BTBD9: variants seen among roughly 807,000 people sequenced by gnomAD.
BTBD9 encodes the protein BTB/POZ domain-containing protein 9.
A neutral mutation model predicts 64.3 loss-of-function variants in BTBD9; 49 were observed. The ratio of observed to expected loss-of-function variants is 0.76; its 90% confidence interval spans 0.61 to 0.97. BTBD9 has a LOEUF of 0.97. Among genes scored for constraint, BTBD9 ranks in the 50% least tolerant of loss-of-function variants. BTBD9 has a pLI of 0.00. For synonymous variants in BTBD9, 260 were observed against 274.7 expected (o/e 0.95, Z 0.53); for missense variants, 598 against 762.1 (o/e 0.78, Z 2.53).
chr6:38,391,633 CT>C (rs11350619), intron 6 of BTBD9, among the ~76,000 whole-genome samples: 52,280 of 141,046 alleles, frequency 0.37, 10,496 homozygotes, highest in East Asian at 0.92. Context: ...GCTTGTTTTT[CT>C]TTTTTTTTTT....
intron 6 of BTBD9, among the ~76,000 whole-genome samples, chr6:38,576,666 C>T (rs1225518429): frequency 1.3e-5 from 2 of 152,144 alleles, no homozygotes; most frequent in African/African-American, 2.4e-5. Context: ...GAGGGGCCAG[C>T]TCCACATTCT....
intron 6 of BTBD9, 152 bp from the exon 7 acceptor site, chr6:38,345,245 C>T (rs373324423): frequency 2.0e-6 from 1 of 490,534 alleles, no homozygotes; most frequent in East Asian, 2.9e-5. Flanking sequence ...TCTATATCTG[C>T]TCCTTATGGG....
At chr6:38,373,854 A>G (rs1049340741) in intron 6 of BTBD9, among the ~76,000 whole-genome samples, 14 of 152,284 alleles carry the variant, frequency 9.2e-5, no homozygotes, top group Admixed American at 5.2e-4. Context: ...TTGGTTTAAA[A>G]TTCAAGTTTA....
At chr6:38,546,307 A>G (rs1351516254) in intron 6 of BTBD9, among the ~76,000 whole-genome samples, 3 of 152,208 alleles carry the variant, frequency 2.0e-5, no homozygotes, top group African/African-American at 7.2e-5. Flanking sequence ...GACAGAAATA[A>G]CCTGGCTTCT....
rs188468799 is a variant in BTBD9 at position 38,360,460 on chromosome 6, T to C, written c.1155-15367A>G. 6.2e-3 allele frequency among the ~76,000 whole-genome samples: 943 copies of C among 152,274 alleles called. 7 individuals are homozygous for C. Among genetic ancestry groups the C allele is most frequent in the Admixed American group, 0.019 (286 of 15,298 alleles). ...TCAATCTCTAAAAAAGGTCCCCTCT[T>C]TTAATGCAGACAGGAAATTACAATA... On this transcript the variant is annotated intron_variant, in intron 6 of 10. Coordinates refer to ENST00000481247, the MANE Select transcript of BTBD9 (RefSeq NM_001099272.2).
intron 6 of BTBD9, among the ~76,000 whole-genome samples, chr6:38,431,739 G>T (rs1015052451): frequency 6.6e-6 from 1 of 151,960 alleles, no homozygotes; most frequent in Non-Finnish European, 1.5e-5. Context: ...AATGAATAGT[G>T]TACCTCCTTA....
intron 6 of BTBD9, among the ~76,000 whole-genome samples, chr6:38,512,131 G>A (rs1399750109): frequency 3.9e-5 from 6 of 152,044 alleles, no homozygotes; most frequent in African/African-American, 1.4e-4. Context: ...GCACCATCAC[G>A]CCTGGCTAAT....
intron 6 of BTBD9, among the ~76,000 whole-genome samples, chr6:38,526,486 G>A (rs1687382381): frequency 6.6e-6 from 1 of 152,210 alleles, no homozygotes; most frequent in Non-Finnish European, 1.5e-5. Flanking sequence ...CCCCACTGGG[G>A]CACTACCTAG....
intron 8 of BTBD9, among the ~76,000 whole-genome samples, chr6:38,285,858 CAAAA>C (rs1164372563): frequency 2.0e-5 from 3 of 151,920 alleles, no homozygotes; most frequent in Admixed American, 1.3e-4. Flanking sequence ...TGCCAGAAGA[CAAAA>C]GAAAGACAAC....
intron 1 of BTBD9, among the ~76,000 whole-genome samples, chr6:38,604,336 A>G (rs1041356359): frequency 1.3e-5 from 2 of 152,264 alleles, no homozygotes; most frequent in African/African-American, 4.8e-5. Context: ...TAGTATCATA[A>G]AAATATTTGA....
chr6:38,569,872 A>T (rs546941842), intron 6 of BTBD9, among the ~76,000 whole-genome samples: 2 of 151,994 alleles, frequency 1.3e-5, no homozygotes, highest in African/African-American at 4.8e-5. Flanking sequence ...TCCCAACTAA[A>T]AAAAAAAAGC....
intron 6 of BTBD9, among the ~76,000 whole-genome samples, chr6:38,377,092 T>G (rs926040815): frequency 1.3e-5 from 2 of 152,212 alleles, no homozygotes; most frequent in Non-Finnish European, 2.9e-5. Context: ...CCTACTGTAT[T>G]TCATTTATAA....
intron 6 of BTBD9, among the ~76,000 whole-genome samples, chr6:38,518,360 A>G (rs986230590): frequency 3.9e-5 from 6 of 152,230 alleles, no homozygotes; most frequent in Admixed American, 1.3e-4. Context: ...AGTAATCACC[A>G]TGGTTCCATT....
At chr6:38,258,925 G>C (rs1347130548) in intron 8 of BTBD9, among the ~76,000 whole-genome samples, 1 of 152,124 alleles carries the variant, frequency 6.6e-6, no homozygotes, top group African/African-American at 2.4e-5. Flanking sequence ...CAATAATAAT[G>C]ATCATGATGG....
chr6:38,529,052 C>T (rs565000406), intron 6 of BTBD9, among the ~76,000 whole-genome samples: 4 of 152,220 alleles, frequency 2.6e-5, no homozygotes, highest in African/African-American at 9.6e-5. Flanking sequence ...TGAAGGGAGC[C>T]CACTGCCCTG....
chr6:38,539,441 AT>A (rs1322952640), intron 6 of BTBD9, among the ~76,000 whole-genome samples: 1 of 152,176 alleles, frequency 6.6e-6, no homozygotes, highest in African/African-American at 2.4e-5. Context: ...TGGTGTGTAA[AT>A]TCATATAGGA....
At chr6:38,585,373 A>G (rs1437356704) in intron 4 of BTBD9, among the ~76,000 whole-genome samples, 1 of 152,180 alleles carries the variant, frequency 6.6e-6, no homozygotes, top group African/African-American at 2.4e-5. Flanking sequence ...TGGTGGGATG[A>G]TTATAGCTCA....
intron 6 of BTBD9, among the ~76,000 whole-genome samples, chr6:38,547,537 T>C (rs1286741637): frequency 2.6e-5 from 4 of 152,202 alleles, no homozygotes; most frequent in Admixed American, 2.0e-4. Context: ...ACCTTCTCTA[T>C]CCTTGTTTAC....
intron 9 of BTBD9, among the ~76,000 whole-genome samples, chr6:38,228,351 CAAAAAAAA>C (rs1554130232): frequency 3.5e-5 from 1 of 28,322 alleles, no homozygotes; most frequent in African/African-American, 1.3e-4. Flanking sequence ...TCCCCCCCCC[CAAAAAAAA>C]AAAAAAAAAA....
Sources: gnomAD v4.1 joint callset for allele counts (sites outside exome capture counted in the v4.1 genomes callset) on GRCh38, gnomAD v4.1.1 for gene constraint, MANE v1.5 for transcripts, NCBI Gene and HGNC (gene_info 2026-07-23, HGNC 2026-07-21) for gene names.